Variants in TNRC6A observed in about 807,000 individuals in gnomAD.
TNRC6A encodes the protein trinucleotide repeat-containing gene 6A protein.
TNRC6A carries 44 observed loss-of-function variants against 221.2 expected under a neutral mutation model. The ratio of observed to expected loss-of-function variants is 0.20; its 90% confidence interval spans 0.16 to 0.26. TNRC6A has a LOEUF of 0.26. Among genes scored for constraint, TNRC6A ranks in the 10% least tolerant of loss-of-function variants. The probability of loss-of-function intolerance (pLI) is 1.00; values close to 1 mark genes in which losing one functional copy is unlikely to be tolerated. For missense variants in TNRC6A, 2,199 were observed against 2,404.4 expected (o/e 0.91, Z 1.79); for synonymous variants, 847 against 838.5 (o/e 1.01, Z -0.18).
chr16:24,812,019 ATTTTTTTTTTTTTTTTTTTTTTTTT>A (rs71156440), intron 18 of TNRC6A, among the ~76,000 whole-genome samples: 411 of 40,848 alleles, frequency 0.01, 5 homozygotes, highest in South Asian at 0.025. Flanking sequence ...TCACTTTGGG[ATTTTTTTTTTTTTTTTTTTTTTTTT>A]TTTTTTTTTT....
At chr16:24,750,670 A>T (rs1775973249) in intron 2 of TNRC6A, 56 bp from the exon 3 acceptor site, 1 of 1,450,736 alleles carries the variant, frequency 6.9e-7, no homozygotes, top group Non-Finnish European at 9.1e-7. Flanking sequence ...TGTATGCAAC[A>T]TTATTTTTAT....
intron 2 of TNRC6A, among the ~76,000 whole-genome samples, chr16:24,724,460 A>C (rs1001844956): frequency 1.3e-5 from 2 of 152,212 alleles, no homozygotes; most frequent in Admixed American, 6.5e-5. Context: ...AGATAAATAC[A>C]CTTGGCTGTG....
chr16:24,793,611 G>C lies in TNRC6A; in HGVS notation c.3314G>C (p.Gly1105Ala). The change falls in exon 7 of 25, where the codon GGC (glycine) becomes GCC (alanine). Residue 1105 changes from glycine (G) to alanine (A), a missense_variant. Gly to Ala is a moderately conservative substitution (Grantham distance 60, BLOSUM62 0). This residue lies in a region of TNRC6A where 1,405 missense variants were observed against 1,400.2 expected (regional missense o/e 1.00). Coordinates refer to ENST00000395799, the MANE Select transcript of TNRC6A (RefSeq NM_014494.4). ...GCGGCATCCAGCACATCCACGTGGGGCTCCAGCTCTGTTGGTCCACAAGCA... is the reference window on the plus strand; with the variant it reads ...GCGGCATCCAGCACATCCACGTGGGCCTCCAGCTCTGTTGGTCCACAAGCA... The part of the protein sequence containing the change: ...IAAASSTSTW[G>A]SSSVGPQALS... 2 of 1,548,250 alleles carry C rather than the reference G, an allele frequency of 1.3e-6. No individual in the cohort carries two copies. The highest frequency in any genetic ancestry group is 1.7e-6 in the Non-Finnish European group (2 of 1,145,976).
chr16:24,730,369 C>T lies in TNRC6A; in HGVS notation c.53+69C>T, dbSNP rs554412397. On this transcript the variant is annotated intron_variant, in intron 2 of 24. Coordinates refer to ENST00000395799, the MANE Select transcript of TNRC6A (RefSeq NM_014494.4). ...ATATTTCTACTCCGATTCGCCTTTT[C>T]TGGGTTGAGAAGTTCCCCCGTGACA... 165 of 1,550,706 alleles carry T rather than the reference C, an allele frequency of 1.1e-4. 2 individuals carry two copies. The South Asian group carries it at 1.7e-3, about 16-fold the overall frequency.
rs73548979 is a variant in TNRC6A, at chr16:24,750,429, A to G, written c.54-297A>G. ...GCTTAAATGATGAAGTTTACATTCT[A>G]GGATTGGAGGAAATTGCTTGTTTCC... On this transcript the variant is annotated intron_variant, in intron 2 of 24. Coordinates refer to ENST00000395799, the MANE Select transcript of TNRC6A (RefSeq NM_014494.4). 3.3e-3 allele frequency among the ~76,000 whole-genome samples: 504 copies of G among 152,266 alleles called. 4 individuals carry two copies. Among genetic ancestry groups the G allele is most frequent in the African/African-American group, 0.012 (492 of 41,540 alleles).
intron 2 of TNRC6A, among the ~76,000 whole-genome samples, chr16:24,667,309 C>T (rs996965140): frequency 2.0e-5 from 3 of 152,058 alleles, no homozygotes; most frequent in African/African-American, 7.2e-5. Context: ...AAATGGACTC[C>T]TCTCATCCTG....
intron 2 of TNRC6A, among the ~76,000 whole-genome samples, chr16:24,675,121 G>A (rs2055382050): frequency 6.6e-6 from 1 of 152,142 alleles, no homozygotes; most frequent in African/African-American, 2.4e-5. Context: ...ACTCCAGCCT[G>A]AGTGACAGAT....
rs1002813156 is a variant in TNRC6A at position 24,820,315 on chromosome 16, C to T, written c.5257C>T (p.Arg1753Cys). 2 of 1,614,034 alleles carry T rather than the reference C, an allele frequency of 1.2e-6. No homozygotes were observed. Among genetic ancestry groups the T allele is most frequent in the African/African-American group, 1.3e-5 (1 of 74,906 alleles). Residue 1753 changes from arginine (R) to cysteine (C), a missense_variant, in exon 22 of 25, where the codon CGT becomes TGT. By Grantham distance (180) the Arg-to-Cys change is radical (BLOSUM62 -3). Around this residue, in one of 8 missense-constraint regions of TNRC6A, gnomAD observed 449 missense variants for 579.7 expected, o/e 0.77. Coordinates refer to ENST00000395799, the MANE Select transcript of TNRC6A (RefSeq NM_014494.4). ...PLSTWDNSPL[R>C]IGGGWGNSDA... is the part of the protein sequence containing the mutation. ...GTCTACGTGGGATAATTCTCCCCTT[C>T]GTATAGGTGGAGGATGGGGAAATTC... is the stretch of plus-strand genomic sequence containing the variant.
Position 24,687,974 on chromosome 16 carries a change from C to T in TNRC6A, n.402+46965C>T, listed in dbSNP as rs566601117. Among the ~76,000 whole-genome samples, 127 of 112,894 alleles carry T rather than the reference C, an allele frequency of 1.1e-3. 1 individual carries two copies. Among genetic ancestry groups the T allele is most frequent in the African/African-American group, 3.9e-3 (119 of 30,204 alleles). The allele number at this position is 112,894 out of a possible 152,430, so 74.1% of individuals were successfully genotyped here. Reference sequence around the variant, plus strand: ...CTTTTCTTTTTTTTTTTTTTGTCGCCCAGGCTAGAGTGCAATGGCGCGATC... The same window carrying T: ...CTTTTCTTTTTTTTTTTTTTGTCGCTCAGGCTAGAGTGCAATGGCGCGATC... On this transcript the variant is annotated intron_variant and non_coding_transcript_variant, in intron 2 of 2. Coordinates refer to the TNRC6A transcript ENST00000566108.
At chr16:24,660,728 CTTTTTTTTTTCTTTTTTTTTTTTT>C (rs1050937823) in intron 2 of TNRC6A, among the ~76,000 whole-genome samples, 5 of 122,552 alleles carry the variant, frequency 4.1e-5, no homozygotes, top group Non-Finnish European at 6.6e-5. Flanking sequence ...TTTCTTTTTT[CTTTTTTTTTTCTTTTTTTTTTTTT>C]TTTTTTTGAG....
Position 24,795,918 on chromosome 16 carries a change from C to T in TNRC6A, c.3540C>T (p.Gly1180=). Residue 1180 remains glycine, a synonymous_variant, in exon 9 of 25, where the codon GGC becomes GGT. Transcript: ENST00000395799. The part of the protein sequence containing the change: ...TKKMSSKGLS[G]KKRRRERGMM... ...GTCTTTCCTTACAGGGTCTGAGTGG[C>T]AAAAAAAGGAGAAGGGAAAGGGTGT... 1 of 1,606,800 alleles carries T rather than the reference C, an allele frequency of 6.2e-7. No homozygotes were observed. Among genetic ancestry groups the T allele is most frequent in the Non-Finnish European group, 8.5e-7 (1 of 1,175,094 alleles).
Position 24,811,287 on chromosome 16 carries a change from A to G in TNRC6A, c.4672+1806A>G, listed in dbSNP as rs573768900. On this transcript the variant is annotated intron_variant, in intron 18 of 24. Coordinates refer to ENST00000395799, the MANE Select transcript of TNRC6A (RefSeq NM_014494.4). The stretch of plus-strand genomic sequence containing the variant: ...GGAGTGGAGGCAAGGACATTTGACT[A>G]GGAAGTTCTGCATTACAGAAGGGTT... 5.9e-5 allele frequency among the ~76,000 whole-genome samples: 9 copies of G among 152,316 alleles called. No individual in the cohort carries two copies. In the South Asian group the frequency reaches 1.2e-3, roughly 21 times the overall value.
chr16:24,808,979 C>T (rs1287333428), intron 17 of TNRC6A, among the ~76,000 whole-genome samples: 1 of 152,156 alleles, frequency 6.6e-6, no homozygotes, highest in Non-Finnish European at 1.5e-5. Context: ...TGTCCCCAGC[C>T]TAGGTGTAAT....
intron 1 of TNRC6A, among the ~76,000 whole-genome samples, chr16:24,623,860 C>T (rs1261895095): frequency 7.3e-6 from 1 of 137,664 alleles, no homozygotes; most frequent in African/African-American, 2.8e-5. Flanking sequence ...TATGATCGCA[C>T]CACTGCACTC....
intron 11 of TNRC6A, among the ~76,000 whole-genome samples, chr16:24,802,584 G>C (rs1339709109): frequency 2.6e-5 from 4 of 152,158 alleles, no homozygotes; most frequent in Non-Finnish European, 5.9e-5. Flanking sequence ...AAATGGATGT[G>C]CTTTAGCAGG....
At chr16:24,795,874 C>G (rs1392766226) in intron 8 of TNRC6A, 33 bp from the exon 9 acceptor site, 13 of 1,567,656 alleles carry the variant, frequency 8.3e-6, no homozygotes, top group Non-Finnish European at 1.0e-5. Flanking sequence ...CCCACTGGAC[C>G]ATGCTGTTTT....
At chr16:24,670,744 T>A (rs2055279623) in intron 2 of TNRC6A, among the ~76,000 whole-genome samples, 1 of 152,116 alleles carries the variant, frequency 6.6e-6, no homozygotes, top group African/African-American at 2.4e-5. Flanking sequence ...TAACAGACAC[T>A]GTGCATCACG....
chr16:24,711,398 A>G (rs2056204012), intron 2 of TNRC6A, among the ~76,000 whole-genome samples: 1 of 152,166 alleles, frequency 6.6e-6, no homozygotes, highest in Non-Finnish European at 1.5e-5. Context: ...GAGAGCTGTG[A>G]AATGATCGTC....
In TNRC6A at chr16:24,795,958, CT is replaced by C. The variant is rs1206191225; in HGVS notation, c.3561+22del. 1 of 1,612,866 alleles carries C rather than the reference CT, an allele frequency of 6.2e-7. No individual in the cohort carries two copies. Among genetic ancestry groups the C allele is most frequent in the Non-Finnish European group, 8.5e-7 (1 of 1,179,212 alleles). On this transcript the variant is annotated intron_variant, in intron 9 of 24. Coordinates refer to ENST00000395799, the MANE Select transcript of TNRC6A (RefSeq NM_014494.4). Reference sequence around the variant, plus strand: ...GGAAAGGGTGTGTAGCCTTTTTACTCTTTCTCCTTTGTTTCTACTAGTAAAA... The same window carrying C: ...GGAAAGGGTGTGTAGCCTTTTTACTCTTCTCCTTTGTTTCTACTAGTAAAA...
Sources: allele counts gnomAD v4.1 joint callset (sites outside exome capture counted in the v4.1 genomes callset), GRCh38; gene constraint gnomAD v4.1.1; regional missense constraint gnomAD v4.1.1; transcripts MANE v1.5; gene names NCBI Gene and HGNC (gene_info 2026-07-23, HGNC 2026-07-21).